Variants in CTNNA2 observed in about 807,000 individuals in gnomAD.
CTNNA2 encodes catenin alpha-2.
CTNNA2 carries 42 observed loss-of-function variants against 101.0 expected under a neutral mutation model. That is an observed-to-expected ratio of 0.42 (90% CI 0.32 to 0.54). The LOEUF (loss-of-function observed/expected upper bound fraction) is 0.54. Among genes scored for constraint, CTNNA2 ranks in the 20% least tolerant of loss-of-function variants. The pLI is 0.14. For missense variants in CTNNA2, 871 were observed against 1,223.1 expected, an observed-to-expected ratio of 0.71 and a Z score of 4.29; for synonymous variants, 450 against 456.4, an observed-to-expected ratio of 0.99 and a Z score of 0.18.
At chr2:80,320,544 A>G (rs900044276) in intron 7 of CTNNA2, among the ~76,000 whole-genome samples, 1 of 152,208 alleles carries the variant, frequency 6.6e-6, no homozygotes, top group Non-Finnish European at 1.5e-5. Context: ...GATGATTGCC[A>G]TGTGGAGAAA....
intron 7 of CTNNA2, among the ~76,000 whole-genome samples, chr2:80,269,779 C>T (rs1285815690): frequency 6.6e-6 from 1 of 152,058 alleles, no homozygotes; most frequent in African/African-American, 2.4e-5. Flanking sequence ...GAGTAGTCTT[C>T]CCACTCATTT....
At chr2:79,518,947 GC>G in intron 1 of CTNNA2, among the ~76,000 whole-genome samples, 1 of 152,064 alleles carries the variant, frequency 6.6e-6, no homozygotes, top group East Asian at 1.9e-4. Flanking sequence ...TCCTGGGGAA[GC>G]CCAGGCGCAG....
chr2:80,008,435 G>T (rs1383297165), intron 7 of CTNNA2, among the ~76,000 whole-genome samples: 1 of 152,190 alleles, frequency 6.6e-6, no homozygotes, highest in Non-Finnish European at 1.5e-5. Context: ...TAATTAAGAG[G>T]AGGGGTGGCT....
intron 7 of CTNNA2, among the ~76,000 whole-genome samples, chr2:80,188,606 A>G (rs1266883354): frequency 6.6e-6 from 1 of 152,196 alleles, no homozygotes; most frequent in African/African-American, 2.4e-5. Flanking sequence ...CAACTTCTAG[A>G]GGCCACCCAA....
rs559591318 is a variant in CTNNA2, at chr2:79,751,452, A to T, written c.298+6870A>T. Among the ~76,000 whole-genome samples, 13 of 151,846 alleles carry T rather than the reference A, an allele frequency of 8.6e-5. No individual in the cohort carries two copies. In the South Asian group the frequency reaches 1.2e-3, roughly 15 times the overall value. ...CTACTAAAAATTCAAAATAATTAGCAGGGTGTGGTGGCTCATGCCTGTAGC... is the reference window on the plus strand; with the variant it reads ...CTACTAAAAATTCAAAATAATTAGCTGGGTGTGGTGGCTCATGCCTGTAGC... On this transcript the variant is annotated intron_variant, in intron 3 of 18. Transcript: ENST00000402739.
chr2:80,570,731 T>C (rs1005777372), intron 12 of CTNNA2, among the ~76,000 whole-genome samples: 3 of 152,132 alleles, frequency 2.0e-5, no homozygotes, highest in Admixed American at 2.0e-4. Context: ...CCTTGAAAGG[T>C]CGATGGTAGT....
At chr2:80,559,891 T>TTTATATATATATATATATATATATACAC (rs67796030) in intron 12 of CTNNA2, among the ~76,000 whole-genome samples, 12,169 of 146,538 alleles carry the variant, frequency 0.083, 653 homozygotes, top group Middle Eastern at 0.17. Context: ...TATATATATA[T>TTTATATATATATATATATATATATACAC]ACACACACAT....
At chr2:80,208,619 C>T (rs1482963954) in intron 7 of CTNNA2, among the ~76,000 whole-genome samples, 3 of 152,102 alleles carry the variant, frequency 2.0e-5, no homozygotes, top group Admixed American at 1.3e-4. Context: ...ATCTCAGTCT[C>T]GGGGCACAGA....
In CTNNA2 at chr2:79,624,087, A is replaced by G. The variant is rs563214481; in HGVS notation, c.-5-27465A>G. 5.9e-5 allele frequency among the ~76,000 whole-genome samples: 9 copies of G among 151,522 alleles called. No homozygotes were observed. The South Asian group carries it at 1.9e-3, about 32-fold the overall frequency. ...CTGTTTTCTATACTTTCCTTCTACTACTTTGCAGGGGAACTTCCCCATTTT... is the reference window on the plus strand; with the variant it reads ...CTGTTTTCTATACTTTCCTTCTACTGCTTTGCAGGGGAACTTCCCCATTTT... On this transcript the variant is annotated intron_variant, in intron 1 of 18. Transcript: ENST00000402739.
chr2:79,281,519 G>A (rs1558599947), intron 2 of CTNNA2: 1 of 152,154 alleles, frequency 6.6e-6, no homozygotes, highest in Non-Finnish European at 1.5e-5. Flanking sequence ...AAGCAACAAA[G>A]AACTGCTTTT....
intron 14 of CTNNA2, among the ~76,000 whole-genome samples, chr2:80,583,361 G>A (rs1014874638): frequency 2.0e-5 from 3 of 152,108 alleles, no homozygotes; most frequent in African/African-American, 7.2e-5. Flanking sequence ...AAAATTCCTT[G>A]CAGACTCTAT....
At chr2:79,821,031 A>G (rs1677959501) in intron 3 of CTNNA2, among the ~76,000 whole-genome samples, 2 of 152,308 alleles carry the variant, frequency 1.3e-5, no homozygotes, top group East Asian at 1.9e-4. Flanking sequence ...AACAAAATAA[A>G]TCTCCTAATA....
rs1323437978 is a variant in CTNNA2 at position 79,952,480 on chromosome 2, G to C, written c.1056+42683G>C. Among the ~76,000 whole-genome samples the C allele has an allele frequency of 2.6e-5, 4 of 152,124 alleles. No individual in the cohort carries two copies. In the East Asian group the frequency reaches 7.7e-4, roughly 29 times the overall value. On this transcript the variant is annotated intron_variant, in intron 7 of 18. Coordinates refer to ENST00000402739, the MANE Select transcript of CTNNA2 (RefSeq NM_001282597.3). ...GTGACTATTTAAAAACCACTGAATT[G>C]AACACTTTCAAGGGGTGAATTTCAT...
chr2:79,554,596 C>A (rs1209000360), intron 1 of CTNNA2, among the ~76,000 whole-genome samples: 1 of 152,126 alleles, frequency 6.6e-6, no homozygotes, highest in East Asian at 1.9e-4. Flanking sequence ...CCCAATGATT[C>A]TGGATCCAAT....
At chr2:79,334,146 A>G (rs1676938271) in intron 3 of CTNNA2, among the ~76,000 whole-genome samples, 4 of 152,284 alleles carry the variant, frequency 2.6e-5, no homozygotes, top group Admixed American at 1.3e-4. Context: ...TGCTAGTTAT[A>G]GTCACTCTAT....
chr2:80,291,834 G>A (rs977348496), intron 7 of CTNNA2, among the ~76,000 whole-genome samples: 4 of 152,162 alleles, frequency 2.6e-5, no homozygotes, highest in South Asian at 2.1e-4. Context: ...ACATGGCCAC[G>A]TGTATTCCAG....
chr2:80,469,993 G>A (rs151108891), intron 9 of CTNNA2, among the ~76,000 whole-genome samples: 1 of 152,210 alleles, frequency 6.6e-6, no homozygotes, highest in East Asian at 1.9e-4. Context: ...GGCAAGGGTG[G>A]CTCCTCTACT....
Position 79,814,870 on chromosome 2 carries a change from G to C in CTNNA2, c.299-43143G>C, listed in dbSNP as rs184926596. Among the ~76,000 whole-genome samples, 3 of 152,220 alleles carry C rather than the reference G, an allele frequency of 2.0e-5. No individual in the cohort carries two copies. The East Asian group carries it at 5.8e-4, about 29-fold the overall frequency. ...CTCCACACTGTTTTACATAGTGACT[G>C]TACTAGTTTACATTCCTACCAGCAG... On this transcript the variant is annotated intron_variant, in intron 3 of 18. Transcript: ENST00000402739.
At chr2:80,365,221 T>G (rs886771878) in intron 7 of CTNNA2, among the ~76,000 whole-genome samples, 2 of 152,140 alleles carry the variant, frequency 1.3e-5, no homozygotes, top group African/African-American at 4.8e-5. Context: ...CAATCAACTC[T>G]AATATCCAGT....
Sources: allele counts gnomAD v4.1 joint callset (sites outside exome capture counted in the v4.1 genomes callset), GRCh38; gene constraint gnomAD v4.1.1; transcripts MANE v1.5; gene names NCBI Gene and HGNC (gene_info 2026-07-23, HGNC 2026-07-21).